Variants in UTS2 observed in about 807,000 individuals in gnomAD.
The protein encoded by UTS2 is urotensin-2.
Under a neutral mutation model 12.6 loss-of-function variants are expected in UTS2, and 10 were observed. The ratio of observed to expected loss-of-function variants is 0.80; its 90% CI spans 0.49 to 1.35. The LOEUF is 1.35. UTS2 is among the 40% of genes most tolerant of loss of function. UTS2 has a pLI of 0.00. For synonymous variants in UTS2, 52 were observed against 50.0 expected, an observed-to-expected ratio of 1.04 and a Z score of -0.17; for missense variants, 142 against 143.2, an observed-to-expected ratio of 0.99 and a Z score of 0.04.
intron 3 of UTS2, among the ~76,000 whole-genome samples, chr1:7,848,868 T>G (rs1310830694): frequency 6.6e-6 from 1 of 152,144 alleles, no homozygotes; most frequent in African/African-American, 2.4e-5. Context: ...CTCCATTAGA[T>G]GTTGTCTTGC....
At chr1:7,863,409 C>T in the UTS2 span, among the ~76,000 whole-genome samples, 14 of 152,178 alleles carry the variant, frequency 9.2e-5, no homozygotes, top group Non-Finnish European at 1.8e-4. Flanking sequence ...CCACGCCTGG[C>T]CGACAGCCGT....
chr1:7,904,348 A>G, the UTS2 span, among the ~76,000 whole-genome samples: 33 of 151,770 alleles, frequency 2.2e-4, no homozygotes, highest in African/African-American at 7.0e-4. Flanking sequence ...ATGGTGGCGC[A>G]TGCCTGTAGT....
At chr1:7,850,984 T>A in intron 1 of UTS2, 62 bp from the exon 2 acceptor site, 1 of 1,544,676 alleles carries the variant, frequency 6.5e-7, no homozygotes, top group African/African-American at 1.4e-5. Context: ...TTTCTGTTCC[T>A]TGTGTCTTTG....
At chr1:7,910,789 C>T in the UTS2 span, among the ~76,000 whole-genome samples, 9 of 152,230 alleles carry the variant, frequency 5.9e-5, no homozygotes, top group South Asian at 1.9e-3. Context: ...TGCAGTGGCA[C>T]AATCATGGTT....
the UTS2 span, among the ~76,000 whole-genome samples, chr1:7,895,587 A>C: frequency 6.6e-6 from 1 of 152,164 alleles, no homozygotes; most frequent in East Asian, 1.9e-4. Context: ...TCAATTATTA[A>C]TTGACAGATA....
chr1:7,877,126 C>CAAAAAAAAAAAAAAAAAAA, the UTS2 span, among the ~76,000 whole-genome samples: 9 of 62,696 alleles, frequency 1.4e-4, no homozygotes, highest in East Asian at 1.0e-3. Flanking sequence ...GAGACTCTAT[C>CAAAAAAAAAAAAAAAAAAA]AAAAAAAAAA....
At chr1:7,906,127 A>G in the UTS2 span, among the ~76,000 whole-genome samples, 1 of 152,202 alleles carries the variant, frequency 6.6e-6, no homozygotes, top group African/African-American at 2.4e-5. Flanking sequence ...CAACACCCAT[A>G]GAATTGCATG....
At chr1:7,855,448 G>T (rs1215989053), upstream of UTS2, among the ~76,000 whole-genome samples, 1 of 152,036 alleles carries the variant, frequency 6.6e-6, no homozygotes, top group Non-Finnish European at 1.5e-5. Flanking sequence ...GCCAGGCGTG[G>T]TGGCGGGCCC....
chr1:7,906,202 T>C, the UTS2 span, among the ~76,000 whole-genome samples: 1 of 152,072 alleles, frequency 6.6e-6, no homozygotes, highest in East Asian at 1.9e-4. Context: ...AAGCATTTCA[T>C]GATAAGTGGA....
chr1:7,874,617 G>A, the UTS2 span, among the ~76,000 whole-genome samples: 149 of 152,314 alleles, frequency 9.8e-4, no homozygotes, highest in African/African-American at 3.5e-3. Flanking sequence ...TCCCAGAGCC[G>A]CAGAGCTGCC....
chr1:7,892,469 GTT>G, the UTS2 span, among the ~76,000 whole-genome samples: 8,911 of 76,884 alleles, frequency 0.12, 123 homozygotes, highest in Non-Finnish European at 0.15. Context: ...CCTCATGCAT[GTT>G]TTTTTTTTTT....
chr1:7,912,691 G>A, the UTS2 span, among the ~76,000 whole-genome samples: 1 of 151,958 alleles, frequency 6.6e-6, no homozygotes, highest in Non-Finnish European at 1.5e-5. Flanking sequence ...CCCAACTTCC[G>A]GTGATCCCTC....
chr1:7,893,745 C>T, the UTS2 span, among the ~76,000 whole-genome samples: 2 of 152,134 alleles, frequency 1.3e-5, no homozygotes, highest in Admixed American at 1.3e-4. Flanking sequence ...GCACCTAACA[C>T]GGTATTGCCC....
chr1:7,902,923 C>T, the UTS2 span, among the ~76,000 whole-genome samples: 2 of 152,100 alleles, frequency 1.3e-5, no homozygotes, highest in East Asian at 3.9e-4. Flanking sequence ...GGCCTGCGCG[C>T]TGGTGGTGTC....
chr1:7,847,862 T>G lies in UTS2; in HGVS notation c.279A>C (p.Gln93His), dbSNP rs1236881055. 6.2e-7 allele frequency: 1 copy of G among 1,612,860 alleles called. No homozygotes were observed. Among genetic ancestry groups the G allele is most frequent in the Non-Finnish European group, 8.5e-7 (1 of 1,179,604 alleles). The change falls in exon 4 of 4, where the codon CAA becomes CAC. Residue 93 changes from glutamine (Q) to histidine (H), a missense_variant. Physicochemically the swap from Gln to His is conservative, Grantham distance 24 (BLOSUM62 0). Coordinates refer to ENST00000361696, the MANE Select transcript of UTS2 (RefSeq NM_006786.4). ...GATGACTCAGTAAAATGTTAGGATC[T>G]TGTCCAGAGAAATCCTGAAACTAAA... ...NLRKFQDFSG[Q>H]DPNILLSHLL...
At chr1:7,870,356 GC>G in the UTS2 span, among the ~76,000 whole-genome samples, 1 of 152,174 alleles carries the variant, frequency 6.6e-6, no homozygotes, top group African/African-American at 2.4e-5. Flanking sequence ...TGGGGAACCA[GC>G]CCTGCCAACA....
chr1:7,870,107 C>T, the UTS2 span, among the ~76,000 whole-genome samples: 1 of 152,186 alleles, frequency 6.6e-6, no homozygotes, highest in Admixed American at 6.5e-5. Context: ...ATCGCTGTTA[C>T]GTGCTGAGTT....
chr1:7,901,365 G>A, the UTS2 span, among the ~76,000 whole-genome samples: 3 of 152,280 alleles, frequency 2.0e-5, no homozygotes, highest in Non-Finnish European at 4.4e-5. Context: ...GGTGGTGAAA[G>A]AGAGGAAAGA....
upstream of UTS2, among the ~76,000 whole-genome samples, chr1:7,855,477 C>G (rs547138426): frequency 8.2e-4 from 123 of 149,714 alleles, 1 homozygote; most frequent in East Asian, 0.018. Flanking sequence ...ACAGCTACTC[C>G]GGAGGCTGAG....
Sources: gnomAD v4.1 joint callset for allele counts (sites outside exome capture counted in the v4.1 genomes callset) on GRCh38, gnomAD v4.1.1 for gene constraint, MANE v1.5 for transcripts, NCBI Gene and HGNC (gene_info 2026-07-23, HGNC 2026-07-21) for gene names.